Variants in COL19A1 observed in about 807,000 individuals in gnomAD.
The protein encoded by COL19A1 is collagen alpha-1(XIX) chain.
COL19A1 carries 159 observed loss-of-function variants against 190.2 expected under a neutral mutation model. That is an observed-to-expected ratio of 0.84 (90% CI 0.73 to 0.95). The LOEUF (loss-of-function observed/expected upper bound fraction) is 0.95. Ranked by LOEUF, COL19A1 falls within the 40% of genes least tolerant of loss-of-function variation. COL19A1 has a pLI of 0.00. For missense variants in COL19A1, 1,418 were observed against 1,431.9 expected (o/e 0.99, Z 0.16); for synonymous variants, 509 against 458.9 (o/e 1.11, Z -1.39).
intron 40 of COL19A1, 130 bp downstream of exon 40, chr6:70,168,811 G>A (rs2296008): frequency 0.02 from 17,877 of 883,224 alleles, 409 homozygotes; most frequent in East Asian, 0.11. Context: ...TGACAAGCAG[G>A]CCACAATATA....
At chr6:70,186,665 T>C (rs1296310760) in intron 46 of COL19A1, among the ~76,000 whole-genome samples, 1 of 152,164 alleles carries the variant, frequency 6.6e-6, no homozygotes, top group Non-Finnish European at 1.5e-5. Flanking sequence ...CCTGGAGTTA[T>C]GCAACTGAAT....
intron 14 of COL19A1, among the ~76,000 whole-genome samples, chr6:70,060,437 A>G (rs1013120465): frequency 1.3e-5 from 2 of 152,096 alleles, no homozygotes; most frequent in Non-Finnish European, 2.9e-5. Flanking sequence ...TAGGAACCGG[A>G]CCACATAGCA....
chr6:70,078,052 T>G (rs371289042), intron 15 of COL19A1, among the ~76,000 whole-genome samples: 1 of 152,222 alleles, frequency 6.6e-6, no homozygotes, highest in Non-Finnish European at 1.5e-5. Context: ...TTATAGTTTA[T>G]TTGTCTTCGA....
At chr6:69,994,552 C>A (rs1057201296) in intron 11 of COL19A1, among the ~76,000 whole-genome samples, 4 of 152,048 alleles carry the variant, frequency 2.6e-5, no homozygotes, top group Admixed American at 2.6e-4. Flanking sequence ...TATAAAATTT[C>A]ATCTTCCTTC....
chr6:70,143,971 C>T (rs529666131), intron 23 of COL19A1, among the ~76,000 whole-genome samples: 7 of 152,196 alleles, frequency 4.6e-5, no homozygotes, highest in Non-Finnish European at 7.4e-5. Flanking sequence ...GTGAGACGTT[C>T]GGTTCAATTC....
chr6:70,067,004 C>T (rs1310677844), intron 14 of COL19A1, among the ~76,000 whole-genome samples: 1 of 152,110 alleles, frequency 6.6e-6, no homozygotes, highest in Non-Finnish European at 1.5e-5. Flanking sequence ...CAGGCACATA[C>T]CGTGATGAAT....
intron 19 of COL19A1, among the ~76,000 whole-genome samples, chr6:70,138,384 A>T (rs1248847468): frequency 6.6e-6 from 1 of 152,146 alleles, no homozygotes; most frequent in African/African-American, 2.4e-5. Context: ...TTCAAATAGG[A>T]CCACCTAAAG....
chr6:69,921,296 AT>A (rs1299761781), intron 4 of COL19A1, among the ~76,000 whole-genome samples: 6 of 131,998 alleles, frequency 4.5e-5, no homozygotes, highest in Non-Finnish European at 6.1e-5. Context: ...TATATCATAT[AT>A]ATCATATATC....
At chr6:70,123,072 A>G (rs1784973208) in intron 17 of COL19A1, among the ~76,000 whole-genome samples, 1 of 152,198 alleles carries the variant, frequency 6.6e-6, no homozygotes, top group Non-Finnish European at 1.5e-5. Context: ...ACAAAGGGCT[A>G]ATATCCAGAA....
At position 70,108,231 on chromosome 6, in the gene COL19A1, C is replaced by T. The variant is rs56957355; in HGVS notation, c.1278+6009C>T. On this transcript the variant is annotated intron_variant, in intron 16 of 50. Transcript: ENST00000620364. ...ACTGGAAAAAGCGTTTATTAAAAAC[C>T]ACACTAATTTAAAATTGTGTTATTA... 7.7e-3 allele frequency among the ~76,000 whole-genome samples: 1,172 copies of T among 152,212 alleles called. 17 individuals are homozygous for T. Among genetic ancestry groups the T allele is most frequent in the African/African-American group, 0.026 (1,087 of 41,544 alleles).
intron 2 of COL19A1, among the ~76,000 whole-genome samples, chr6:69,885,096 T>A (rs1185320728): frequency 6.6e-6 from 1 of 152,176 alleles, no homozygotes; most frequent in East Asian, 1.9e-4. Flanking sequence ...ACTCCTGACC[T>A]CAAATGATCC....
chr6:70,188,271 G>T, intron 47 of COL19A1, 26 bp downstream of exon 47: 5 of 1,578,430 alleles, frequency 3.2e-6, no homozygotes, highest in Non-Finnish European at 4.3e-6. Context: ...ACGCTTTAGG[G>T]CTCCTGGCTT....
At chr6:69,955,572 A>G (rs894756942) in intron 9 of COL19A1, among the ~76,000 whole-genome samples, 5 of 150,348 alleles carry the variant, frequency 3.3e-5, no homozygotes, top group Non-Finnish European at 7.4e-5. Context: ...TGTGTAAGAG[A>G]GAGAAAGAGA....
chr6:69,898,890 G>A (rs1239150035), intron 2 of COL19A1, 58 bp from the exon 3 acceptor site: 2 of 983,100 alleles, frequency 2.0e-6, no homozygotes, highest in African/African-American at 1.6e-5. Flanking sequence ...TGATTGTACT[G>A]TGTAATTAAA....
intron 30 of COL19A1, among the ~76,000 whole-genome samples, chr6:70,151,129 T>C (rs897264519): frequency 4.6e-5 from 7 of 152,130 alleles, no homozygotes; most frequent in African/African-American, 1.7e-4. Context: ...AAATATAAAA[T>C]AGGGATGCAC....
At chr6:70,199,025 A>G (rs1178347331) in intron 48 of COL19A1, among the ~76,000 whole-genome samples, 1 of 152,166 alleles carries the variant, frequency 6.6e-6, no homozygotes, top group Non-Finnish European at 1.5e-5. Flanking sequence ...CCTTCCTCCA[A>G]TGAGTGATCT....
intron 11 of COL19A1, among the ~76,000 whole-genome samples, chr6:70,002,877 T>A (rs933774296): frequency 6.6e-6 from 1 of 151,652 alleles, no homozygotes; most frequent in Non-Finnish European, 1.5e-5. Flanking sequence ...CGTGTCTCTA[T>A]CTCCTTCAAT....
intron 7 of COL19A1, among the ~76,000 whole-genome samples, chr6:69,934,826 A>T (rs1033594659): frequency 6.6e-6 from 1 of 152,064 alleles, no homozygotes; most frequent in African/African-American, 2.4e-5. Context: ...AGGAATGTAC[A>T]GTTGGAAGGA....
At chr6:70,007,568 A>C (rs2150091027) in intron 11 of COL19A1, among the ~76,000 whole-genome samples, 1 of 152,116 alleles carries the variant, frequency 6.6e-6, no homozygotes, top group East Asian at 1.9e-4. Context: ...AGAGCCTCAA[A>C]ATGCATGAAG....
Sources: allele counts gnomAD v4.1 joint callset (sites outside exome capture counted in the v4.1 genomes callset), GRCh38; gene constraint gnomAD v4.1.1; transcripts MANE v1.5; gene names NCBI Gene and HGNC (gene_info 2026-07-23, HGNC 2026-07-21).